MUC7: variants seen among roughly 807,000 people sequenced by gnomAD.
The protein encoded by MUC7 is mucin-7.
In MUC7, 2 loss-of-function variants were observed where a neutral mutation model predicts 2.5. That is an observed-to-expected ratio of 0.81 (90% confidence interval 0.33 to 2.55). The LOEUF is 2.55. Among genes scored for constraint, MUC7 ranks in the 30% most tolerant of loss-of-function variants. MUC7 has a pLI of 0.11. For missense variants in MUC7, 408 were observed against 455.6 expected, an observed-to-expected ratio of 0.90 and a Z score of 0.95; for synonymous variants, 133 against 173.4, an observed-to-expected ratio of 0.77 and a Z score of 1.83.
intron 1 of MUC7, among the ~76,000 whole-genome samples, chr4:70,454,923 C>T (rs1315249560): frequency 2.6e-5 from 4 of 152,150 alleles, no homozygotes; most frequent in East Asian, 1.9e-4. Flanking sequence ...AATTGTATAA[C>T]GTTTAGCCAC....
intron 1 of MUC7, among the ~76,000 whole-genome samples, chr4:70,455,170 C>T (rs1295632157): frequency 6.6e-6 from 1 of 151,892 alleles, no homozygotes; most frequent in Non-Finnish European, 1.5e-5. Context: ...CTTGGTGAAG[C>T]ATATATTGTC....
chr4:70,464,916 C>T (rs1201166924), intron 1 of MUC7, among the ~76,000 whole-genome samples: 2 of 152,238 alleles, frequency 1.3e-5, no homozygotes, highest in African/African-American at 4.8e-5. Context: ...CAGACTGCCT[C>T]CTCAAGTGGG....
At chr4:70,443,466 T>C (rs1282082503) in intron 1 of MUC7, among the ~76,000 whole-genome samples, 1 of 152,132 alleles carries the variant, frequency 6.6e-6, no homozygotes, top group South Asian at 2.1e-4. Flanking sequence ...GTTAGAATAC[T>C]ACCAAGGAAA....
At chr4:70,463,230 A>T (rs936426684) in intron 1 of MUC7, among the ~76,000 whole-genome samples, 7 of 152,188 alleles carry the variant, frequency 4.6e-5, no homozygotes, top group Non-Finnish European at 1.0e-4. Flanking sequence ...TATTGACACA[A>T]CAGAAGCTAT....
At chr4:70,472,752 G>A (rs529175128) in intron 1 of MUC7, among the ~76,000 whole-genome samples, 40 of 152,264 alleles carry the variant, frequency 2.6e-4, no homozygotes, top group Admixed American at 5.2e-4. Flanking sequence ...CAGTAAGTGG[G>A]CAGAGCTTAA....
intron 1 of MUC7, among the ~76,000 whole-genome samples, chr4:70,464,728 A>G (rs530070032): frequency 6.6e-6 from 1 of 152,298 alleles, no homozygotes; most frequent in South Asian, 2.1e-4. Context: ...CATCTCTGAA[A>G]GAAAGGCAAG....
chr4:70,442,618 G>A (rs373270779), intron 1 of MUC7, among the ~76,000 whole-genome samples: 1 of 152,208 alleles, frequency 6.6e-6, no homozygotes, highest in Non-Finnish European at 1.5e-5. Flanking sequence ...CTCAGGGATA[G>A]AGAAAGAAAA....
intron 1 of MUC7, among the ~76,000 whole-genome samples, chr4:70,431,694 C>T (rs1733670461): frequency 6.6e-6 from 1 of 152,252 alleles, no homozygotes; most frequent in South Asian, 2.1e-4. Context: ...CACTTATTAA[C>T]CAATTTCACA....
At chr4:70,464,374 C>A (rs777671259) in intron 1 of MUC7, among the ~76,000 whole-genome samples, 1 of 152,238 alleles carries the variant, frequency 6.6e-6, no homozygotes, top group Non-Finnish European at 1.5e-5. Flanking sequence ...ACCCCAGTGG[C>A]ACCTGGAACA....
intron 1 of MUC7, among the ~76,000 whole-genome samples, chr4:70,473,561 C>T (rs1215204398): frequency 6.6e-6 from 1 of 152,256 alleles, no homozygotes; most frequent in East Asian, 1.9e-4. Flanking sequence ...AGCCTTATAG[C>T]ACAGCGACAA....
At chr4:70,459,391 G>A (rs1034505260) in intron 1 of MUC7, among the ~76,000 whole-genome samples, 8 of 152,124 alleles carry the variant, frequency 5.3e-5, no homozygotes, top group Admixed American at 1.3e-4. Flanking sequence ...GAGAACACAT[G>A]GACACAGGAA....
At chr4:70,452,599 C>A (rs746429716) in intron 1 of MUC7, among the ~76,000 whole-genome samples, 14 of 152,016 alleles carry the variant, frequency 9.2e-5, no homozygotes, top group Non-Finnish European at 1.6e-4. Context: ...CGTCTTCGCA[C>A]TTTTAACTTT....
chr4:70,469,153 G>A (rs1734762345), upstream of MUC7, among the ~76,000 whole-genome samples: 1 of 152,146 alleles, frequency 6.6e-6, no homozygotes, highest in Admixed American at 6.5e-5. Context: ...ACAAGAAATG[G>A]CAAAAGGATT....
intron 1 of MUC7, among the ~76,000 whole-genome samples, chr4:70,434,513 G>A (rs993349386): frequency 2.0e-5 from 3 of 152,180 alleles, no homozygotes; most frequent in African/African-American, 7.2e-5. Context: ...GCATAGAGGT[G>A]TTTATAGTAT....
chr4:70,450,995 T>C (rs1734265738), intron 1 of MUC7, among the ~76,000 whole-genome samples: 1 of 50,898 alleles, frequency 2.0e-5, no homozygotes, highest in African/African-American at 4.9e-5. Flanking sequence ...CCACTGTCTC[T>C]GAGCTGGTTC....
upstream of MUC7, among the ~76,000 whole-genome samples, chr4:70,468,948 A>G (rs192505773): frequency 1.3e-5 from 2 of 152,346 alleles, 1 homozygote; most frequent in African/African-American, 4.8e-5. Context: ...CGTATAGCCA[A>G]GACAATCATA....
At chr4:70,456,389 C>T (rs1383970508) in intron 1 of MUC7, among the ~76,000 whole-genome samples, 1 of 152,062 alleles carries the variant, frequency 6.6e-6, no homozygotes, top group Non-Finnish European at 1.5e-5. Flanking sequence ...TTTATTAGTC[C>T]ATTTTCACAC....
chr4:70,432,236 G>T (rs978785360), intron 1 of MUC7, among the ~76,000 whole-genome samples: 7 of 152,222 alleles, frequency 4.6e-5, no homozygotes, highest in African/African-American at 1.7e-4. Flanking sequence ...ATAGCAGCAT[G>T]ATTTATAATC....
In MUC7 at chr4:70,481,202, C is replaced by G. The variant is rs1385583272; in HGVS notation, c.458C>G (p.Thr153Arg). The G allele has an allele frequency of 6.2e-7, 1 of 1,614,214 alleles. No homozygotes were observed. ...ENVNTSSSVA[T>R]LAPVNSPAPQ... ...GTTAACACAAGCTCTTCTGTAGCTA[C>G]ATTAGCACCAGTGAATTCCCCAGCT... is the stretch of plus-strand genomic sequence containing the variant. The change falls in exon 3 of 3, where the codon ACA becomes AGA. Residue 153 changes from threonine (T) to arginine (R), a missense_variant. Physicochemically the swap from Thr to Arg is moderately conservative, Grantham distance 71 (BLOSUM62 -1). This residue lies in a region of MUC7 where 225 missense variants were observed against 240.5 expected (regional missense o/e 0.94). Transcript: ENST00000304887.
Sources: gnomAD v4.1 joint callset for allele counts (sites outside exome capture counted in the v4.1 genomes callset) on GRCh38, gnomAD v4.1.1 for gene constraint, gnomAD v4.1.1 regional missense constraint, MANE v1.5 for transcripts, NCBI Gene and HGNC (gene_info 2026-07-23, HGNC 2026-07-21) for gene names.